CCDC50: variants seen among roughly 807,000 people sequenced by gnomAD.
CCDC50 encodes coiled-coil domain-containing protein 50.
Under a neutral mutation model 70.2 loss-of-function variants are expected in CCDC50, and 54 were observed. That is an observed-to-expected ratio of 0.77 (90% CI 0.62 to 0.96). The LOEUF (loss-of-function observed/expected upper bound fraction) is 0.96, where lower values mean the gene tolerates loss of function less well. Among genes scored for constraint, CCDC50 ranks in the 50% least tolerant of loss-of-function variants. The pLI is 0.00. For synonymous variants in CCDC50, 216 were observed against 198.8 expected, an observed-to-expected ratio of 1.09 and a Z score of -0.73; for missense variants, 558 against 578.7, an observed-to-expected ratio of 0.96 and a Z score of 0.37.
intron 9 of CCDC50, 35 bp downstream of exon 9, chr3:191,380,967 T>C (rs1236011731): frequency 1.3e-6 from 2 of 1,545,782 alleles, no homozygotes; most frequent in Non-Finnish European, 8.9e-7. Context: ...TAATTAGAAA[T>C]AAAATTAGAA....
At chr3:191,361,710 G>C (rs188357819) in intron 4 of CCDC50, among the ~76,000 whole-genome samples, 6 of 152,180 alleles carry the variant, frequency 3.9e-5, no homozygotes, top group South Asian at 4.1e-4. Flanking sequence ...TATGACCTCA[G>C]CTTAACTAAT....
chr3:191,335,201 T>TA (rs1415309760), intron 1 of CCDC50, among the ~76,000 whole-genome samples: 3 of 152,180 alleles, frequency 2.0e-5, no homozygotes, highest in African/African-American at 7.2e-5. Context: ...TGGAGACCAC[T>TA]AAACTTAAGT....
chr3:191,357,308 T>C (rs1179593984), intron 2 of CCDC50, among the ~76,000 whole-genome samples, 158 bp downstream of exon 2: 1 of 152,194 alleles, frequency 6.6e-6, no homozygotes, highest in Admixed American at 6.5e-5. Context: ...GCCTGGGTGA[T>C]CAGTGAAGTT....
intron 5 of CCDC50, chr3:191,370,371 C>T (rs1344898747): frequency 2.7e-5 from 8 of 296,506 alleles, no homozygotes; most frequent in African/African-American, 4.8e-5. Flanking sequence ...CCCCTCCCCC[C>T]ACCCCACAAC....
intron 10 of CCDC50, among the ~76,000 whole-genome samples, chr3:191,383,361 G>A (rs752961070): frequency 2.8e-4 from 42 of 151,958 alleles, no homozygotes; most frequent in African/African-American, 9.4e-4. Flanking sequence ...TAGTTATGGA[G>A]CAGCTGCTGT....
intron 1 of CCDC50, among the ~76,000 whole-genome samples, chr3:191,346,353 C>T (rs975772424): frequency 2.0e-5 from 3 of 152,144 alleles, no homozygotes; most frequent in Admixed American, 6.5e-5. Flanking sequence ...AGATAAGCTA[C>T]ATTGTAATCT....
At chr3:191,357,206 G>C in intron 2 of CCDC50, 56 bp downstream of exon 2, 2 of 1,453,610 alleles carry the variant, frequency 1.4e-6, no homozygotes, top group Non-Finnish European at 9.6e-7. Context: ...GTGGTAGCTT[G>C]AGGCTGGTTT....
intron 1 of CCDC50, among the ~76,000 whole-genome samples, chr3:191,340,915 G>A (rs1458187478): frequency 6.6e-6 from 1 of 152,062 alleles, no homozygotes; most frequent in African/African-American, 2.4e-5. Context: ...AGCTCACTGT[G>A]GCCTCAAGCT....
At chr3:191,339,801 C>A (rs1005137301) in intron 1 of CCDC50, among the ~76,000 whole-genome samples, 9 of 152,198 alleles carry the variant, frequency 5.9e-5, no homozygotes, top group African/African-American at 1.7e-4. Flanking sequence ...TCTGTGAGAA[C>A]TATTAGTTGA....
At chr3:191,343,372 A>G (rs1711800372) in intron 1 of CCDC50, among the ~76,000 whole-genome samples, 1 of 152,238 alleles carries the variant, frequency 6.6e-6, no homozygotes, top group Non-Finnish European at 1.5e-5. Context: ...TGTGCAATAA[A>G]TATTCACTGA....
At chr3:191,389,343 C>G (rs1049400323) in intron 10 of CCDC50, among the ~76,000 whole-genome samples, 153 bp from the exon 11 acceptor site, 1 of 152,210 alleles carries the variant, frequency 6.6e-6, no homozygotes, top group Non-Finnish European at 1.5e-5. Flanking sequence ...TTATTCAAGG[C>G]CATGCAACTG....
In CCDC50 at chr3:191,380,942, G is replaced by A. The variant is rs211043; in HGVS notation, c.1242+10G>A. 0.49 allele frequency: 784,397 copies of A among 1,601,236 alleles called. 198,106 individuals are homozygous for A. Among genetic ancestry groups the A allele is most frequent in the African/African-American group, 0.81 (60,341 of 74,550 alleles). ...AGACCCCGAGTGGAAGGTAGAGTGT[G>A]TTTTGTTTGTTTTCTAATTAGAAAT... On this transcript the variant is annotated intron_variant, in intron 9 of 11. Transcript: ENST00000392455.
In CCDC50 at chr3:191,394,051, T is replaced by TA. The variant is rs1713781691; in HGVS notation, c.*2292dup. On this transcript the variant is annotated 3_prime_UTR_variant, in exon 12 of 12. Transcript: ENST00000392455. ...ATTATTGTAAAATGTTAACTGGAGATACTGCATTCAAAAAAAAGTCGGACC... is the reference window on the plus strand; with the variant it reads ...ATTATTGTAAAATGTTAACTGGAGATAACTGCATTCAAAAAAAAGTCGGACC... 6.6e-6 allele frequency: 1 copy of TA among 152,144 alleles called. No homozygotes were observed. Among genetic ancestry groups the TA allele is most frequent in the South Asian group, 2.1e-4 (1 of 4,828 alleles). 9.4% of individuals were successfully genotyped at this position (152,144 alleles called of 1,614,324 possible). A position where few individuals can be genotyped will look rare whatever the true frequency, so the allele number is the denominator to read the frequency against.
intron 4 of CCDC50, among the ~76,000 whole-genome samples, chr3:191,364,770 GA>G (rs139590816): frequency 0.02 from 3,051 of 151,396 alleles, 94 homozygotes; most frequent in African/African-American, 0.07. Context: ...TGGAAAAGTT[GA>G]AAAAAAAATT....
intron 1 of CCDC50, among the ~76,000 whole-genome samples, chr3:191,351,719 A>T (rs1261379953): frequency 7.1e-6 from 1 of 141,226 alleles, no homozygotes; most frequent in East Asian, 1.9e-4. Context: ...GTGGTAAATC[A>T]CCAGATTTTC....
rs1713836053 is a variant in CCDC50 at position 191,395,594 on chromosome 3, T to C, written c.*3834T>C. The C allele has an allele frequency of 6.6e-6, 1 of 152,086 alleles. No individual in the cohort carries two copies. Among genetic ancestry groups the C allele is most frequent in the African/African-American group, 2.4e-5 (1 of 41,420 alleles). The allele number at this position is 152,086 out of a possible 1,614,324, so 9.4% of individuals were successfully genotyped here. A position where few individuals can be genotyped will look rare whatever the true frequency, so the allele number is the denominator to read the frequency against. On this transcript the variant is annotated 3_prime_UTR_variant, in exon 12 of 12. Transcript: ENST00000392455. Reference sequence around the variant, plus strand: ...GAGTGAGATCTCTGTGTAAACAGCTTTCTGAAGGACTGATAATAGAATAGA... The same window carrying C: ...GAGTGAGATCTCTGTGTAAACAGCTCTCTGAAGGACTGATAATAGAATAGA...
chr3:191,371,984 G>C (rs1333920037), intron 5 of CCDC50, among the ~76,000 whole-genome samples: 11 of 152,012 alleles, frequency 7.2e-5, no homozygotes, highest in Non-Finnish European at 1.0e-4. Context: ...ATTTTAAACT[G>C]TTCAGTCTGT....
intron 6 of CCDC50, among the ~76,000 whole-genome samples, 194 bp from the exon 7 acceptor site, chr3:191,379,965 A>C (rs1713253013): frequency 6.6e-6 from 1 of 152,102 alleles, no homozygotes; most frequent in Non-Finnish European, 1.5e-5. Context: ...GTTTAAATGT[A>C]TGCATTATCT....
chr3:191,398,270 C>A lies in CCDC50; in HGVS notation c.*6510C>A, dbSNP rs1346563002. On this transcript the variant is annotated 3_prime_UTR_variant, in exon 12 of 12. Transcript: ENST00000392455. ...ATGGTTTGTTTTTTACACTATATTT[C>A]TCATTAGGTTCTTTAAACATCAGGT... 2.6e-5 allele frequency: 4 copies of A among 152,124 alleles called. No individual in the cohort carries two copies. Among genetic ancestry groups the A allele is most frequent in the African/African-American group, 4.8e-5 (2 of 41,416 alleles). 9.4% of individuals were successfully genotyped at this position (152,124 alleles called of 1,614,324 possible).
Sources: gnomAD v4.1 joint callset for allele counts (sites outside exome capture counted in the v4.1 genomes callset) on GRCh38, gnomAD v4.1.1 for gene constraint, MANE v1.5 for transcripts, NCBI Gene and HGNC (gene_info 2026-07-23, HGNC 2026-07-21) for gene names.